SDCCAG8: variants seen among roughly 807,000 people sequenced by gnomAD.
SDCCAG8 encodes serologically defined colon cancer antigen 8.
A neutral mutation model predicts 101.8 loss-of-function variants in SDCCAG8; 74 were observed. That is an observed-to-expected ratio of 0.73 (90% confidence interval 0.60 to 0.88). The LOEUF is 0.88. Among genes scored for constraint, SDCCAG8 ranks in the 40% least tolerant of loss-of-function variants. The pLI is 0.00. For missense variants in SDCCAG8, 787 were observed against 822.6 expected (o/e 0.96, Z 0.53); for synonymous variants, 281 against 292.9 (o/e 0.96, Z 0.41).
rs2075566531 is a variant in SDCCAG8 at position 243,344,283 on chromosome 1, C to A, written c.1425C>A (p.His475Gln). 6.2e-7 allele frequency: 1 copy of A among 1,613,818 alleles called. No individual in the cohort carries two copies. Among genetic ancestry groups the A allele is most frequent in the Non-Finnish European group, 8.5e-7 (1 of 1,179,916 alleles). The change falls in exon 12 of 18, where the codon CAC (histidine) becomes CAA (glutamine). Residue 475 changes from histidine (H) to glutamine (Q), a missense_variant. Transcript: ENST00000366541. ...AGAAGGATGAGGCAGAAAAGGAGCA[C>A]AGAGAGTTCAGAGCAAAAACTAACA... Reference protein sequence around the residue: ...NMEKDEAEKEHREFRAKTNRD... With the variant: ...NMEKDEAEKEQREFRAKTNRD...
chr1:243,283,550 A>G (rs1036287530), intron 4 of SDCCAG8, among the ~76,000 whole-genome samples: 2 of 151,720 alleles, frequency 1.3e-5, no homozygotes, highest in Admixed American at 6.6e-5. Flanking sequence ...AAAGTTTACT[A>G]ATGCATTCCT....
intron 13 of SDCCAG8, among the ~76,000 whole-genome samples, chr1:243,397,284 G>T (rs994526464): frequency 2.6e-5 from 4 of 152,232 alleles, no homozygotes; most frequent in Non-Finnish European, 5.9e-5. Context: ...TGTGAGTTTA[G>T]TTTGGAAGTT....
chr1:243,403,750 C>T (rs1316916280), intron 13 of SDCCAG8, among the ~76,000 whole-genome samples: 4 of 152,152 alleles, frequency 2.6e-5, no homozygotes, highest in Non-Finnish European at 5.9e-5. Context: ...CACTGTCTCC[C>T]GTCACCCCCT....
intron 1 of SDCCAG8, among the ~76,000 whole-genome samples, chr1:243,261,115 C>T (rs2067160961): frequency 6.6e-6 from 1 of 152,176 alleles, no homozygotes; most frequent in Non-Finnish European, 1.5e-5. Flanking sequence ...CCAAATTGGG[C>T]AGTTTCTGCT....
chr1:243,387,246 A>T (rs2078363676), intron 13 of SDCCAG8, among the ~76,000 whole-genome samples: 4 of 152,084 alleles, frequency 2.6e-5, no homozygotes, highest in Admixed American at 2.0e-4. Flanking sequence ...CCTTTTGCCC[A>T]TGTACTGAAA....
At chr1:243,358,233 A>G (rs574584912) in intron 12 of SDCCAG8, among the ~76,000 whole-genome samples, 1 of 152,290 alleles carries the variant, frequency 6.6e-6, no homozygotes, top group South Asian at 2.1e-4. Flanking sequence ...AGGTACATTT[A>G]CAATTTAATA....
intron 6 of SDCCAG8, chr1:243,293,442 A>G: frequency 1.5e-6 from 1 of 664,704 alleles, no homozygotes; most frequent in South Asian, 1.5e-5. Context: ...CGTATTAAAC[A>G]ATATCTCCAT....
At chr1:243,457,064 T>C (rs2083818422) in intron 16 of SDCCAG8, among the ~76,000 whole-genome samples, 1 of 152,232 alleles carries the variant, frequency 6.6e-6, no homozygotes, top group Non-Finnish European at 1.5e-5. Context: ...CGTAGGTATT[T>C]ATCACGCATG....
chr1:243,325,582 A>C (rs2074089718), intron 9 of SDCCAG8, among the ~76,000 whole-genome samples: 1 of 152,098 alleles, frequency 6.6e-6, no homozygotes, highest in Non-Finnish European at 1.5e-5. Flanking sequence ...AAAATGCCTG[A>C]GGATTTTATA....
intron 17 of SDCCAG8, among the ~76,000 whole-genome samples, chr1:243,493,404 G>A (rs1667056059): frequency 6.6e-6 from 1 of 152,178 alleles, no homozygotes; most frequent in African/African-American, 2.4e-5. Context: ...AATGGCATCT[G>A]GGACAGGGGA....
chr1:243,283,035 CA>C (rs1281778913), intron 4 of SDCCAG8, among the ~76,000 whole-genome samples: 3 of 151,930 alleles, frequency 2.0e-5, no homozygotes, highest in African/African-American at 7.3e-5. Flanking sequence ...TTAGTAGAGA[CA>C]GGGTTTCACC....
chr1:243,302,235 G>T (rs916216311), intron 6 of SDCCAG8, among the ~76,000 whole-genome samples: 1 of 152,128 alleles, frequency 6.6e-6, no homozygotes, highest in Non-Finnish European at 1.5e-5. Flanking sequence ...GTGACAGAGT[G>T]AGAATCTGTC....
At chr1:243,395,933 G>A (rs945471589) in intron 13 of SDCCAG8, among the ~76,000 whole-genome samples, 2 of 151,826 alleles carry the variant, frequency 1.3e-5, no homozygotes, top group South Asian at 2.1e-4. Flanking sequence ...CTTGATACAA[G>A]CATCTGCCAT....
In SDCCAG8 at chr1:243,473,919, CGGCGGG is replaced by C. The variant is rs1249826086; in HGVS notation, c.1986-15092_1986-15087del. ...AGTTTGGTTATTGGAGGAGAGTTGC[CGGCGGG>C]GGGGGGGGGGGGGGCCGGGGGAGTA... On this transcript the variant is annotated intron_variant, in intron 16 of 17. Transcript: ENST00000366541. 1.7e-3 allele frequency among the ~76,000 whole-genome samples: 6 copies of C among 3,440 alleles called. 1 individual carries two copies. Among genetic ancestry groups the C allele is most frequent in the African/African-American group, 5.8e-3 (6 of 1,030 alleles). 2.3% of individuals were successfully genotyped at this position (3,440 alleles called of 152,430 possible).
At chr1:243,413,488 G>C (rs2080332609) in intron 13 of SDCCAG8, among the ~76,000 whole-genome samples, 1 of 152,146 alleles carries the variant, frequency 6.6e-6, no homozygotes, top group East Asian at 1.9e-4. Flanking sequence ...TTACAGATGT[G>C]AGCCACCGTG....
intron 16 of SDCCAG8, among the ~76,000 whole-genome samples, chr1:243,441,633 A>C (rs2082541099): frequency 6.6e-6 from 1 of 152,188 alleles, no homozygotes; most frequent in African/African-American, 2.4e-5. Flanking sequence ...AAGAATTTTA[A>C]TCAAAAATCT....
chr1:243,292,380 T>C lies in SDCCAG8; in HGVS notation c.547-711T>C, dbSNP rs1048491149. ...ATCCTAAGGGTCTTAGAAGCACTTG[T>C]GTCAGAAACCCGGGACTAAGACCAA... On this transcript the variant is annotated intron_variant, in intron 5 of 17. Coordinates refer to ENST00000366541, the MANE Select transcript of SDCCAG8 (RefSeq NM_006642.5). Among the ~76,000 whole-genome samples, 4 of 152,220 alleles carry C rather than the reference T, an allele frequency of 2.6e-5. No individual in the cohort carries two copies. In the South Asian group the frequency reaches 8.3e-4, roughly 32 times the overall value.
intron 12 of SDCCAG8, among the ~76,000 whole-genome samples, chr1:243,362,226 G>A (rs948013560): frequency 4.6e-5 from 7 of 151,640 alleles, no homozygotes; most frequent in Non-Finnish European, 7.4e-5. Flanking sequence ...GGATAGGTGG[G>A]TCAAGAGATG....
chr1:243,419,707 G>C (rs116633917), intron 15 of SDCCAG8, among the ~76,000 whole-genome samples: 7 of 152,240 alleles, frequency 4.6e-5, no homozygotes, highest in African/African-American at 1.7e-4. Context: ...CAAAGTATAC[G>C]TTCTTTCTTA....
Sources: allele counts gnomAD v4.1 joint callset (sites outside exome capture counted in the v4.1 genomes callset), GRCh38; gene constraint gnomAD v4.1.1; transcripts MANE v1.5; gene names NCBI Gene and HGNC (gene_info 2026-07-23, HGNC 2026-07-21).